CNTN3: variants seen among roughly 807,000 people sequenced by gnomAD.
CNTN3 encodes the protein contactin 3.
CNTN3 carries 60 observed loss-of-function variants against 119.1 expected under a neutral mutation model. That is an observed-to-expected ratio of 0.50 (90% CI 0.41 to 0.62). CNTN3 has a LOEUF of 0.62. Ranked by LOEUF, CNTN3 falls within the 20% of genes least tolerant of loss-of-function variation. The probability of loss-of-function intolerance (pLI) is 0.00; values close to 1 mark genes in which losing one functional copy is unlikely to be tolerated. For missense variants in CNTN3, 1,101 were observed against 1,242.4 expected, an observed-to-expected ratio of 0.89 and a Z score of 1.71; for synonymous variants, 450 against 438.7, an observed-to-expected ratio of 1.03 and a Z score of -0.32.
Position 74,589,277 on chromosome 3 carries a change from G to A in CNTN3, c.-81+25114C>T, listed in dbSNP as rs371009824. On this transcript the variant is annotated intron_variant, in intron 1 of 22. Coordinates refer to ENST00000263665, the MANE Select transcript of CNTN3 (RefSeq NM_020872.3). ...ATTTACAAGAAAAAAACAAACAACC[G>A]CATCAAAAAGTGGGCAAAGGATATG... is the stretch of plus-strand genomic sequence containing the variant. Among the ~76,000 whole-genome samples, 264 of 151,806 alleles carry A rather than the reference G, an allele frequency of 1.7e-3. No individual in the cohort carries two copies. The East Asian group carries it at 0.037, about 21-fold the overall frequency.
chr3:74,382,434 C>T (rs1704644256), intron 5 of CNTN3, among the ~76,000 whole-genome samples: 1 of 152,242 alleles, frequency 6.6e-6, no homozygotes, highest in Middle Eastern at 3.4e-3. Flanking sequence ...GGTCACCATA[C>T]AGTTCCATAG....
At chr3:74,334,617 A>C in intron 13 of CNTN3, 118 bp downstream of exon 13, 1 of 935,100 alleles carries the variant, frequency 1.1e-6, no homozygotes, top group East Asian at 2.6e-5. Context: ...CCACTCAACC[A>C]AAACCACTTA....
At chr3:74,264,579 G>A in intron 22 of CNTN3, 78 bp from the exon 23 acceptor site, 1 of 869,598 alleles carries the variant, frequency 1.1e-6, no homozygotes, top group Non-Finnish European at 1.8e-6. Flanking sequence ...GGATATTTGT[G>A]GTGTTCCCCC....
chr3:74,420,024 G>C (rs1381567475), intron 5 of CNTN3, among the ~76,000 whole-genome samples: 1 of 152,108 alleles, frequency 6.6e-6, no homozygotes, highest in African/African-American at 2.4e-5. Context: ...TCTATTTCTG[G>C]CTTTTGATTT....
chr3:74,391,638 C>T (rs1704905880), intron 5 of CNTN3, among the ~76,000 whole-genome samples: 1 of 137,128 alleles, frequency 7.3e-6, no homozygotes. Flanking sequence ...ATGTTCTTGG[C>T]TCACTATAAC....
chr3:74,334,905 T>C lies in CNTN3; in HGVS notation c.1498A>G (p.Thr500Ala), dbSNP rs760526594. ...TTAGATGGTGCCAAAGTTATTCTTG[T>C]TGGTTCTATTGGGGAAATAATTTTT... ...GTTHLVVTEP[T>A]RITLAPSNMD... The change falls in exon 13 of 23, where the codon ACA (threonine) becomes GCA (alanine). Residue 500 changes from threonine to alanine, a missense_variant. By Grantham distance (58) the Thr-to-Ala change is moderately conservative. Transcript: ENST00000263665. 46 of 1,604,124 alleles carry C rather than the reference T, an allele frequency of 2.9e-5. No individual in the cohort carries two copies. Among genetic ancestry groups the C allele is most frequent in the Non-Finnish European group, 3.7e-5 (43 of 1,175,958 alleles).
At chr3:74,531,005 CCTTT>C (rs1201698444) in intron 1 of CNTN3, among the ~76,000 whole-genome samples, 2 of 151,936 alleles carry the variant, frequency 1.3e-5, no homozygotes, top group African/African-American at 4.8e-5. Context: ...TTGCTGGTCT[CCTTT>C]CTTCTCTTCC....
chr3:74,411,106 T>C (rs987140172), intron 5 of CNTN3, among the ~76,000 whole-genome samples: 1 of 152,164 alleles, frequency 6.6e-6, no homozygotes, highest in Non-Finnish European at 1.5e-5. Context: ...TTTCTTTCTC[T>C]TTCTTTATAA....
At chr3:74,426,073 C>T (rs1280386412) in intron 4 of CNTN3, among the ~76,000 whole-genome samples, 2 of 152,104 alleles carry the variant, frequency 1.3e-5, no homozygotes, top group Non-Finnish European at 2.9e-5. Context: ...CTTCCAATGA[C>T]AATCCAGTAC....
At chr3:74,472,002 GTCTC>G (rs1702574705) in intron 4 of CNTN3, among the ~76,000 whole-genome samples, 2 of 152,152 alleles carry the variant, frequency 1.3e-5, no homozygotes, top group Admixed American at 1.3e-4. Flanking sequence ...AAACTTTGAA[GTCTC>G]TCTCATGTTT....
At chr3:74,377,676 A>G (rs534684587) in intron 5 of CNTN3, among the ~76,000 whole-genome samples, 1 of 152,344 alleles carries the variant, frequency 6.6e-6, no homozygotes, top group South Asian at 2.1e-4. Context: ...TACTAGGAAT[A>G]TGAATTTTTT....
intron 13 of CNTN3, among the ~76,000 whole-genome samples, chr3:74,332,109 C>G (rs1703278806): frequency 6.6e-6 from 1 of 152,202 alleles, no homozygotes; most frequent in African/African-American, 2.4e-5. Context: ...AACTTTCCCA[C>G]TTATCAGCCT....
intron 4 of CNTN3, among the ~76,000 whole-genome samples, chr3:74,478,923 G>A (rs748598660): frequency 6.6e-6 from 1 of 151,842 alleles, no homozygotes; most frequent in Non-Finnish European, 1.5e-5. Flanking sequence ...ACTAGAATAT[G>A]GTATAGAAAG....
At chr3:74,475,849 T>C (rs1467388826) in intron 4 of CNTN3, among the ~76,000 whole-genome samples, 2 of 152,170 alleles carry the variant, frequency 1.3e-5, no homozygotes, top group African/African-American at 2.4e-5. Flanking sequence ...GGTTTCCTCA[T>C]ATGCACATTC....
At chr3:74,563,305 T>C (rs184083410) in intron 1 of CNTN3, among the ~76,000 whole-genome samples, 51 of 152,160 alleles carry the variant, frequency 3.4e-4, no homozygotes, top group Non-Finnish European at 6.3e-4. Context: ...CTTCGCATTG[T>C]GGAAGCTAAA....
At chr3:74,366,772 G>GTATATATATATA (rs1308606541) in intron 8 of CNTN3, among the ~76,000 whole-genome samples, 4 of 43,474 alleles carry the variant, frequency 9.2e-5, no homozygotes, top group African/African-American at 5.0e-4. Context: ...GTGTGTGTGT[G>GTATATATATATA]TGTGTGTGTA....
At chr3:74,457,317 T>C (rs1196782044) in intron 4 of CNTN3, among the ~76,000 whole-genome samples, 2 of 151,978 alleles carry the variant, frequency 1.3e-5, no homozygotes, top group East Asian at 1.9e-4. Flanking sequence ...AATGATAAAA[T>C]TTTAGAGGTC....
chr3:74,266,428 GC>G, intron 22 of CNTN3, 52 bp downstream of exon 22: 1 of 1,505,644 alleles, frequency 6.6e-7, no homozygotes, highest in Non-Finnish European at 9.2e-7. Context: ...ACTCACTATG[GC>G]GGATAGTAAC....
At chr3:74,320,156 TC>T (rs1292345628) in intron 13 of CNTN3, among the ~76,000 whole-genome samples, 1 of 152,176 alleles carries the variant, frequency 6.6e-6, no homozygotes, top group African/African-American at 2.4e-5. Flanking sequence ...GACCCAGCCA[TC>T]CCATTACTGG....
Sources: allele counts gnomAD v4.1 joint callset (sites outside exome capture counted in the v4.1 genomes callset), GRCh38; gene constraint gnomAD v4.1.1; transcripts MANE v1.5; gene names NCBI Gene and HGNC (gene_info 2026-07-23, HGNC 2026-07-21).